HDDC2: variants seen among roughly 807,000 people sequenced by gnomAD.
The protein encoded by HDDC2 is HD domain containing 2.
HDDC2 carries 25 observed loss-of-function variants against 25.5 expected under a neutral mutation model. The observed-to-expected ratio is 0.98, with a 90% confidence interval of 0.72 to 1.37. The LOEUF is 1.37. Among genes scored for constraint, HDDC2 ranks in the 40% most tolerant of loss-of-function variants. The pLI, the probability that HDDC2 is intolerant of heterozygous loss-of-function variation, is 0.00. For missense variants in HDDC2, 264 were observed against 253.1 expected (o/e 1.04, Z -0.29); for synonymous variants, 106 against 89.7 (o/e 1.18, Z -1.03).
At chr6:125,298,606 C>G in intron 3 of HDDC2, 108 bp downstream of exon 3, 1 of 781,986 alleles carries the variant, frequency 1.3e-6, no homozygotes, top group Non-Finnish European at 2.2e-6. Context: ...ACTACTAAGA[C>G]TATCAAGGCG....
At chr6:125,289,519 A>C (rs554836805) in intron 4 of HDDC2, among the ~76,000 whole-genome samples, 2,204 of 100,540 alleles carry the variant, frequency 0.022, 61 homozygotes, top group African/African-American at 0.11. Flanking sequence ...ACAAAACAAA[A>C]AAAACAAAAA....
At position 125,276,175 on chromosome 6, in the gene HDDC2, CTA is replaced by C. The variant is rs760023890; in HGVS notation, c.584_585del (p.Ile195SerfsTer6). The C allele has an allele frequency of 1.9e-6, 3 of 1,613,796 alleles. No individual in the cohort carries two copies. The highest frequency in any genetic ancestry group is 8.5e-7 in the Non-Finnish European group (1 of 1,179,824). On this transcript the variant is annotated frameshift_variant, in exon 6 of 6. Transcript: ENST00000398153. LOFTEE classifies it high-confidence loss of function. ...SELEAERSTNIAAAASEPHS is the reference protein window; with the variant it reads ...SELEAERSTNXAAAASEPHS ...GAGTGTGGCTCACTGGCAGCTGCAGCTATGTTAGTGCTTCTTTCTGCCTCAAG... is the reference window on the plus strand; with the variant it reads ...GAGTGTGGCTCACTGGCAGCTGCAGCTGTTAGTGCTTCTTTCTGCCTCAAG...
Position 125,301,893 on chromosome 6 carries a change from C to A in HDDC2, c.40G>T (p.Ala14Ser). Residue 14 changes from alanine to serine, a missense_variant, in exon 1 of 6, where the codon GCT becomes TCT. By Grantham distance (99) the Ala-to-Ser change is moderately conservative (BLOSUM62 1). Transcript: ENST00000398153. ...VSSATFSGHG[A>S]RSLLQFLRLV... Reference sequence around the variant, plus strand: ...CGCAGGAACTGCAGTAGGGACCGAGCCCCGTGGCCCGAGAAGGTCGCAGAG... The same window carrying A: ...CGCAGGAACTGCAGTAGGGACCGAGACCCGTGGCCCGAGAAGGTCGCAGAG... The A allele has an allele frequency of 6.4e-7, 1 of 1,551,828 alleles. No homozygotes were observed. The highest frequency in any genetic ancestry group is 8.7e-7 in the Non-Finnish European group (1 of 1,149,486).
chr6:125,293,770 T>C (rs1392385096), intron 3 of HDDC2, among the ~76,000 whole-genome samples: 2 of 152,188 alleles, frequency 1.3e-5, no homozygotes, highest in African/African-American at 4.8e-5. Context: ...CTGGACTATC[T>C]GTGGCCACAG....
intron 3 of HDDC2, among the ~76,000 whole-genome samples, chr6:125,296,289 G>C (rs886229269): frequency 6.6e-6 from 1 of 152,132 alleles, no homozygotes; most frequent in African/African-American, 2.4e-5. Context: ...AGCATCTGCA[G>C]ATTTGGTTAT....
chr6:125,301,482 G>C (rs1260632591), intron 1 of HDDC2, among the ~76,000 whole-genome samples: 1 of 120,344 alleles, frequency 8.3e-6, no homozygotes, highest in Non-Finnish European at 1.8e-5. Flanking sequence ...GGGGTCGTGA[G>C]CACACACACA....
At chr6:125,278,827 G>A (rs1044478635) in intron 4 of HDDC2, 2 of 152,100 alleles carry the variant, frequency 1.3e-5, no homozygotes, top group African/African-American at 4.8e-5. Context: ...TAGGATTTAA[G>A]AAATATTAAG....
intron 2 of HDDC2, 140 bp downstream of exon 2, chr6:125,300,398 A>AT (rs1391954041): frequency 1.9e-6 from 2 of 1,052,594 alleles, no homozygotes; most frequent in East Asian, 5.2e-5. Flanking sequence ...CACATCCTAA[A>AT]TTTGTATGGT....
chr6:125,290,453 C>T lies in HDDC2; in HGVS notation c.378+2388G>A, dbSNP rs568887403. Among the ~76,000 whole-genome samples, 4 of 152,276 alleles carry T rather than the reference C, an allele frequency of 2.6e-5. No homozygotes were observed. The East Asian group carries it at 7.7e-4, about 29-fold the overall frequency. On this transcript the variant is annotated intron_variant, in intron 4 of 5. Transcript: ENST00000398153. Reference sequence around the variant, plus strand: ...TAAAATGCATAAATTATTACAGAAACTTGTACTGTGTTGAATACTATGTTG... The same window carrying T: ...TAAAATGCATAAATTATTACAGAAATTTGTACTGTGTTGAATACTATGTTG...
intron 3 of HDDC2, chr6:125,297,455 G>C (rs2115117205): frequency 2.5e-6 from 1 of 397,750 alleles, no homozygotes; most frequent in South Asian, 1.3e-4. Context: ...CTTAAACTGG[G>C]ACTCTCGTTC....
chr6:125,294,224 TAGTG>T (rs1316205757), intron 3 of HDDC2, among the ~76,000 whole-genome samples: 4 of 152,180 alleles, frequency 2.6e-5, no homozygotes, highest in Admixed American at 1.3e-4. Context: ...TAAAATAAAA[TAGTG>T]AGTTGCAGGA....
At chr6:125,280,247 G>A (rs1162443438) in intron 4 of HDDC2, among the ~76,000 whole-genome samples, 1 of 152,196 alleles carries the variant, frequency 6.6e-6, no homozygotes, top group Non-Finnish European at 1.5e-5. Flanking sequence ...GCAACCCACA[G>A]ACCAGGGGAT....
At chr6:125,288,889 T>G (rs1798585387) in intron 4 of HDDC2, among the ~76,000 whole-genome samples, 1 of 130,592 alleles carries the variant, frequency 7.7e-6, no homozygotes, top group African/African-American at 3.5e-5. Flanking sequence ...GGTGGGACTG[T>G]AAACTAGTTC....
At chr6:125,296,407 T>A (rs1248876422) in intron 3 of HDDC2, among the ~76,000 whole-genome samples, 1 of 152,164 alleles carries the variant, frequency 6.6e-6, no homozygotes. Flanking sequence ...CAAGGGCAAA[T>A]GAGGTTTCCT....
chr6:125,291,488 A>T (rs1798630763), intron 4 of HDDC2, among the ~76,000 whole-genome samples: 1 of 152,212 alleles, frequency 6.6e-6, no homozygotes, highest in South Asian at 2.1e-4. Context: ...AGATTTCTGC[A>T]TCAAAGCATA....
At chr6:125,285,399 G>T (rs1184856920) in intron 4 of HDDC2, among the ~76,000 whole-genome samples, 3 of 152,026 alleles carry the variant, frequency 2.0e-5, no homozygotes, top group Non-Finnish European at 4.4e-5. Context: ...TAGAAACTAA[G>T]CAATAAGGAA....
At chr6:125,282,084 G>A (rs1334382256) in intron 4 of HDDC2, among the ~76,000 whole-genome samples, 2 of 152,188 alleles carry the variant, frequency 1.3e-5, no homozygotes, top group East Asian at 3.8e-4. Flanking sequence ...GGTGGCTCAT[G>A]CCTGTAATCC....
At chr6:125,293,656 A>C (rs1345566020) in intron 3 of HDDC2, among the ~76,000 whole-genome samples, 1 of 152,162 alleles carries the variant, frequency 6.6e-6, no homozygotes, top group African/African-American at 2.4e-5. Context: ...TATCAAGCTG[A>C]AAATTTTCCC....
At chr6:125,285,170 G>T (rs1486830809) in intron 4 of HDDC2, among the ~76,000 whole-genome samples, 1 of 151,036 alleles carries the variant, frequency 6.6e-6, no homozygotes, top group East Asian at 2.0e-4. Flanking sequence ...GTCGGGGGGT[G>T]GGGGGCAAGG....
Sources: gnomAD v4.1 joint callset for allele counts (sites outside exome capture counted in the v4.1 genomes callset) on GRCh38, gnomAD v4.1.1 for gene constraint, MANE v1.5 for transcripts, NCBI Gene and HGNC (gene_info 2026-07-23, HGNC 2026-07-21) for gene names.